The following LTC4S variants were observed in gnomAD, a reference collection of about 807,000 sequenced individuals.
LTC4S encodes the protein LTC4 synthase.
Under a neutral mutation model 19.6 loss-of-function variants are expected in LTC4S, and 18 were observed. The ratio of observed to expected loss-of-function variants is 0.92; its 90% CI spans 0.64 to 1.36. The LOEUF is 1.36. LTC4S is among the 40% of genes most tolerant of loss of function. The pLI, the probability that LTC4S is intolerant of heterozygous loss-of-function variation, is 0.00. For synonymous variants in LTC4S, 126 were observed against 110.1 expected (o/e 1.14, Z -0.91); for missense variants, 235 against 212.2 (o/e 1.11, Z -0.67).
rs1756567841 is a variant in LTC4S at position 179,795,299 on chromosome 5, TCC to T, written c.59-283_59-282del. On this transcript the variant is annotated intron_variant, in intron 1 of 4. Coordinates refer to ENST00000292596, the MANE Select transcript of LTC4S (RefSeq NM_145867.2). ...AGTGGTCTCTCTCGCGGAGCAGGTGTCCCTGTGCCTGAATCACTCACCCTCCC... is the reference window on the plus strand; with the variant it reads ...AGTGGTCTCTCTCGCGGAGCAGGTGTCTGTGCCTGAATCACTCACCCTCCC... 2.2e-5 allele frequency: 25 copies of T among 1,115,680 alleles called. 1 individual carries two copies. The South Asian group carries it at 4.7e-4, about 21-fold the overall frequency. The allele number at this position is 1,115,680 out of a possible 1,614,324, so 69.1% of individuals were successfully genotyped here.
At chr5:179,796,188 C>G in intron 4 of LTC4S, 65 bp from the exon 5 acceptor site, 1 of 1,329,010 alleles carries the variant, frequency 7.5e-7, no homozygotes, top group Non-Finnish European at 9.9e-7. Flanking sequence ...CCCCGTGGGG[C>G]CAGGGTTGCG....
chr5:179,795,639 G>C lies in LTC4S; in HGVS notation c.114G>C (p.Pro38=). The part of the protein sequence containing the change: ...SARRAFRVSP[P]LTTGPPEFER... ...GCAGGGCCTTCCGCGTGTCGCCGCC[G>C]CTCACCACCGGCCCACCCGAGTTCG... The change falls in exon 2 of 5, where the codon CCG becomes CCC. Residue 38 remains proline (P), a synonymous_variant. Transcript: ENST00000292596. 6.2e-7 allele frequency: 1 copy of C among 1,609,558 alleles called. No individual in the cohort carries two copies. Among genetic ancestry groups the C allele is most frequent in the Non-Finnish European group, 8.5e-7 (1 of 1,179,098 alleles).
At chr5:179,795,911 G>C (rs1456846766) in intron 3 of LTC4S, 30 bp from the exon 4 acceptor site, 2 of 1,584,632 alleles carry the variant, frequency 1.3e-6, no homozygotes, top group East Asian at 4.5e-5. Context: ...CGCGCAGGGC[G>C]CTCACCAGGC....
intron 1 of LTC4S, 136 bp from the exon 2 acceptor site, chr5:179,795,448 C>A: frequency 1.1e-6 from 1 of 874,622 alleles, no homozygotes; most frequent in South Asian, 1.6e-5. Context: ...TCTCCTCGGG[C>A]GGGGAGGGGG....
chr5:179,795,927 C>T lies in LTC4S; in HGVS notation c.230-14C>T. On this transcript the variant is annotated splice_polypyrimidine_tract_variant and intron_variant, in intron 3 of 4. Coordinates refer to ENST00000292596, the MANE Select transcript of LTC4S (RefSeq NM_145867.2). ...GCGCAGGGCGCTCACCAGGCCCGTG[C>T]GTACCTCTCGCAGGGGCGGCGGCCC... 9 of 1,574,952 alleles carry T rather than the reference C, an allele frequency of 5.7e-6. No homozygotes were observed. The highest frequency in any genetic ancestry group is 7.7e-6 in the Non-Finnish European group (9 of 1,165,162).
intron 1 of LTC4S, 40 bp from the exon 2 acceptor site, chr5:179,795,544 G>A: frequency 1.3e-6 from 2 of 1,577,062 alleles, no homozygotes; most frequent in South Asian, 1.2e-5. Flanking sequence ...CTGGGGCTTC[G>A]GGTGTCCAGA....
chr5:179,794,212 G>T (rs753157490), intron 1 of LTC4S, 74 bp downstream of exon 1: 73 of 1,585,278 alleles, frequency 4.6e-5, no homozygotes, highest in Non-Finnish European at 6.0e-5. Context: ...CTAGGCCCAG[G>T]TGGAGGGCAG....
intron 1 of LTC4S, 48 bp downstream of exon 1, chr5:179,794,186 G>A: frequency 1.9e-6 from 3 of 1,610,840 alleles, no homozygotes; most frequent in South Asian, 1.1e-5. Flanking sequence ...GATCCCTACA[G>A]CTTGCCCTCT....
rs1448725992 is a variant in LTC4S, at chr5:179,796,361, C to T, written c.420C>T (p.Leu140=). ...FLPAALRAAL[L]GRLRTLLPWA ...CGGCCGCGCTGCGCGCCGCGCTCCT[C>T]GGACGGCTCCGGACGCTGCTGCCGT... The change falls in exon 5 of 5, where the codon CTC becomes CTT. Residue 140 remains leucine, a synonymous_variant. Coordinates refer to ENST00000292596, the MANE Select transcript of LTC4S (RefSeq NM_145867.2). 4.7e-6 allele frequency: 7 copies of T among 1,492,190 alleles called. No individual in the cohort carries two copies. The highest frequency in any genetic ancestry group is 1.5e-5 in the African/African-American group (1 of 68,506). 92.4% of individuals were successfully genotyped at this position (1,492,190 alleles called of 1,614,324 possible).
chr5:179,796,336 C>A lies in LTC4S; in HGVS notation c.395C>A (p.Pro132Gln), dbSNP rs1435578590. ...CTCGGCCTGCTCGCCCACTTCCTCC[C>A]GGCCGCGCTGCGCGCCGCGCTCCTC... Reference protein sequence around the residue: ...AALGLLAHFLPAALRAALLGR... With the variant: ...AALGLLAHFLQAALRAALLGR... The change falls in exon 5 of 5, where the codon CCG becomes CAG. Residue 132 changes from proline to glutamine, a missense_variant. Pro to Gln is a moderately conservative substitution (Grantham distance 76, BLOSUM62 -1). Coordinates refer to ENST00000292596, the MANE Select transcript of LTC4S (RefSeq NM_145867.2). 1.3e-6 allele frequency: 2 copies of A among 1,489,124 alleles called. No individual in the cohort carries two copies. Among genetic ancestry groups the A allele is most frequent in the Non-Finnish European group, 1.8e-6 (2 of 1,127,344 alleles). 92.2% of individuals were successfully genotyped at this position (1,489,124 alleles called of 1,614,324 possible). A position where few individuals can be genotyped will look rare whatever the true frequency, so the allele number is the denominator to read the frequency against.
chr5:179,795,245 G>A (rs1756566961), intron 1 of LTC4S: 9 of 550,814 alleles, frequency 1.6e-5, no homozygotes, highest in Non-Finnish European at 2.2e-5. Flanking sequence ...TGTGTTTTGA[G>A]AGTGAAATGA....
chr5:179,796,296 G>T lies in LTC4S; in HGVS notation c.355G>T (p.Val119Leu), dbSNP rs939310909. 9 of 1,473,418 alleles carry T rather than the reference G, an allele frequency of 6.1e-6. No homozygotes were observed. The highest frequency in any genetic ancestry group is 4.5e-6 in the Non-Finnish European group (5 of 1,119,168). The allele number at this position is 1,473,418 out of a possible 1,614,324, so 91.3% of individuals were successfully genotyped here. A position where few individuals can be genotyped will look rare whatever the true frequency, so the allele number is the denominator to read the frequency against. The change falls in exon 5 of 5, where the codon GTG becomes TTG. Residue 119 changes from valine to leucine, a missense_variant. Coordinates refer to ENST00000292596, the MANE Select transcript of LTC4S (RefSeq NM_145867.2). ...YASARALWLLVALAALGLLAH... is the reference protein window; with the variant it reads ...YASARALWLLLALAALGLLAH... ...GAGCGCGCGCGCCCTCTGGCTGCTG[G>T]TGGCGCTGGCTGCGCTCGGCCTGCT...
At chr5:179,795,396 G>A (rs890853920) in intron 1 of LTC4S, 188 bp from the exon 2 acceptor site, 14 of 1,443,172 alleles carry the variant, frequency 9.7e-6, no homozygotes, top group African/African-American at 1.4e-5. Context: ...CTCGCTGAAT[G>A]TCAGGGACAC....
chr5:179,796,031 C>CGGGCGGGGAGCG lies in LTC4S; in HGVS notation c.311+18_311+29dup, dbSNP rs1188557887. On this transcript the variant is annotated intron_variant, in intron 4 of 4. Coordinates refer to ENST00000292596, the MANE Select transcript of LTC4S (RefSeq NM_145867.2). ...CGCTCCGCGCAGCTCAGGTGAGGGC[C>CGGGCGGGGAGCG]GGGCGGGGAGCGGGGCGGGGCCGGG... The CGGGCGGGGAGCG allele has an allele frequency of 1.0e-4, 118 of 1,154,280 alleles. No individual in the cohort carries two copies. Among genetic ancestry groups the CGGGCGGGGAGCG allele is most frequent in the East Asian group, 3.8e-4 (6 of 15,640 alleles). The allele number at this position is 1,154,280 out of a possible 1,614,324, so 71.5% of individuals were successfully genotyped here. A position where few individuals can be genotyped will look rare whatever the true frequency, so the allele number is the denominator to read the frequency against.
chr5:179,794,074 C>G lies in LTC4S; in HGVS notation c.-7C>G. On this transcript the variant is annotated 5_prime_UTR_variant, in exon 1 of 5. Coordinates refer to ENST00000292596, the MANE Select transcript of LTC4S (RefSeq NM_145867.2). ...CACACAGCCCGTGCCACCACACCGA[C>G]GGTACCATGAAGGACGAGGTAGCTC... is the stretch of plus-strand genomic sequence containing the variant. 1.2e-6 allele frequency: 2 copies of G among 1,613,686 alleles called. No homozygotes were observed. Among genetic ancestry groups the G allele is most frequent in the Non-Finnish European group, 1.7e-6 (2 of 1,179,962 alleles).
At position 179,794,147 on chromosome 5, in the gene LTC4S, G is replaced by T; in HGVS notation, c.58+9G>T. 6.2e-7 allele frequency: 1 copy of T among 1,613,374 alleles called. No homozygotes were observed. The highest frequency in any genetic ancestry group is 8.5e-7 in the Non-Finnish European group (1 of 1,179,872). ...GGGAGTCCTGCTGCAAGGTGGGCTG[G>T]TTCCTATCTAGGAAGAGGGTGGGCC... is the stretch of plus-strand genomic sequence containing the variant. On this transcript the variant is annotated intron_variant, in intron 1 of 4. Transcript: ENST00000292596.
intron 1 of LTC4S, 28 bp from the exon 2 acceptor site, chr5:179,795,556 C>T: frequency 3.1e-6 from 5 of 1,588,662 alleles, no homozygotes; most frequent in Non-Finnish European, 4.3e-6. Flanking sequence ...GTGTCCAGAC[C>T]TGACTCCCGC....
Position 179,796,553 on chromosome 5 carries a change from C to A in LTC4S, c.*159C>A. 1 of 1,177,018 alleles carries A rather than the reference C, an allele frequency of 8.5e-7. No homozygotes were observed. The highest frequency in any genetic ancestry group is 1.1e-6 in the Non-Finnish European group (1 of 914,222). The allele number at this position is 1,177,018 out of a possible 1,614,324, so 72.9% of individuals were successfully genotyped here. ...CTGGGTCCGCGGGGGTGGCGCACCGCGGGCTACGGAGCCTGGAGGGGCCCA... is the reference window on the plus strand; with the variant it reads ...CTGGGTCCGCGGGGGTGGCGCACCGAGGGCTACGGAGCCTGGAGGGGCCCA... On this transcript the variant is annotated 3_prime_UTR_variant, in exon 5 of 5. Coordinates refer to ENST00000292596, the MANE Select transcript of LTC4S (RefSeq NM_145867.2).
chr5:179,794,974 GAGA>G (rs1251511556), intron 1 of LTC4S, among the ~76,000 whole-genome samples: 5 of 152,320 alleles, frequency 3.3e-5, no homozygotes, highest in Admixed American at 6.5e-5. Context: ...GGGAGCAGGA[GAGA>G]AGGTGTCTGT....
Sources: gnomAD v4.1 joint callset for allele counts (sites outside exome capture counted in the v4.1 genomes callset) on GRCh38, gnomAD v4.1.1 for gene constraint, MANE v1.5 for transcripts, NCBI Gene and HGNC (gene_info 2026-07-23, HGNC 2026-07-21) for gene names.